The following CACNA1C variants were observed in gnomAD, a reference collection of about 807,000 sequenced individuals.
CACNA1C encodes the protein voltage-dependent L-type calcium channel subunit alpha-1C.
A neutral mutation model predicts 229.0 loss-of-function variants in CACNA1C; 30 were observed. That is an observed-to-expected ratio of 0.13 (90% confidence interval 0.10 to 0.18). CACNA1C has a LOEUF of 0.18. Ranked by LOEUF, CACNA1C falls within the 10% of genes least tolerant of loss-of-function variation. The pLI is 1.00. For synonymous variants in CACNA1C, 1,114 were observed against 1,132.5 expected (o/e 0.98, Z 0.33); for missense variants, 1,658 against 2,845.0 (o/e 0.58, Z 9.49).
At chr12:2,115,935 C>T (rs953460020) in intron 2 of CACNA1C, among the ~76,000 whole-genome samples, 3 of 152,246 alleles carry the variant, frequency 2.0e-5, no homozygotes, top group Non-Finnish European at 4.4e-5. Context: ...TACATGCTGC[C>T]TCATTCCCTT....
intron 3 of CACNA1C, among the ~76,000 whole-genome samples, chr12:2,407,223 A>G (rs2098748121): frequency 6.6e-6 from 1 of 152,258 alleles, no homozygotes; most frequent in Admixed American, 6.5e-5. Context: ...ACACCTCATT[A>G]CTGCCTAGTT....
rs114204416 is a variant in CACNA1C at position 2,355,780 on chromosome 12, A to G, written c.478-93196A>G. ...CACAACTGAAAGGGGAGCTACTGGC[A>G]TCTAGCGGGTAGAGGCCGGGGATGC... On this transcript the variant is annotated intron_variant, in intron 3 of 46. Coordinates refer to ENST00000399655, the MANE Select transcript of CACNA1C (RefSeq NM_000719.7). Among the ~76,000 whole-genome samples the G allele has an allele frequency of 6.2e-3, 947 of 152,338 alleles. 8 individuals carry two copies. Among genetic ancestry groups the G allele is most frequent in the African/African-American group, 0.022 (906 of 41,580 alleles).
At chr12:2,310,636 G>A (rs1485913223) in intron 3 of CACNA1C, among the ~76,000 whole-genome samples, 2 of 152,154 alleles carry the variant, frequency 1.3e-5, no homozygotes, top group Non-Finnish European at 2.9e-5. Flanking sequence ...AAAGTCTGGA[G>A]TTGTTTCTAT....
At chr12:2,148,374 C>A (rs1267464949) in intron 3 of CACNA1C, among the ~76,000 whole-genome samples, 1 of 151,336 alleles carries the variant, frequency 6.6e-6, no homozygotes, top group Non-Finnish European at 1.5e-5. Context: ...TCAAAGATTG[C>A]AGATGGAAAT....
In CACNA1C at chr12:2,502,988, A is replaced by T. The variant is rs117327754; in HGVS notation, c.1114-1854A>T. Among the ~76,000 whole-genome samples, 92 of 152,288 alleles carry T rather than the reference A, an allele frequency of 6.0e-4. 1 individual carries two copies. In the East Asian group the frequency reaches 0.017, roughly 28 times the overall value. ...TCTGCTTTGTTCATAACTCTCCCAG[A>T]TGTTTCTGATGCTGGTGGTCCTTGG... On this transcript the variant is annotated intron_variant, in intron 7 of 46. Transcript: ENST00000399655.
chr12:2,527,520 G>A (rs895428625), intron 9 of CACNA1C, among the ~76,000 whole-genome samples: 2 of 152,136 alleles, frequency 1.3e-5, no homozygotes, highest in Non-Finnish European at 2.9e-5. Context: ...TGATAATGGT[G>A]TCCACTGTCA....
chr12:2,516,491 G>C (rs1202822039), intron 9 of CACNA1C, among the ~76,000 whole-genome samples: 1 of 152,186 alleles, frequency 6.6e-6, no homozygotes, highest in Non-Finnish European at 1.5e-5. Flanking sequence ...GGTGGGCCAG[G>C]GAGAGGCAGG....
chr12:2,142,573 A>G (rs1250550199), intron 3 of CACNA1C, among the ~76,000 whole-genome samples: 1 of 151,428 alleles, frequency 6.6e-6, no homozygotes, highest in Admixed American at 6.6e-5. Flanking sequence ...GTCCTTCAGG[A>G]GGTAGCCATA....
At chr12:2,473,742 C>G (rs2099604914) in intron 5 of CACNA1C, among the ~76,000 whole-genome samples, 1 of 152,082 alleles carries the variant, frequency 6.6e-6, no homozygotes, top group Non-Finnish European at 1.5e-5. Flanking sequence ...CCCACTAAAT[C>G]CCTCCAAAAA....
In CACNA1C at chr12:2,152,623, A is replaced by T. The variant is rs1213568719; in HGVS notation, c.477+32193A>T. Among the ~76,000 whole-genome samples, 1 of 152,242 alleles carries T rather than the reference A, an allele frequency of 6.6e-6. No individual in the cohort carries two copies. The highest frequency in any genetic ancestry group is 1.5e-5 in the Non-Finnish European group (1 of 68,044). ...TTTGGTCTCTGTCAACCATGGTTCA[A>T]TTCATAACTTAAGTTATACCCTACT... On this transcript the variant is annotated intron_variant, in intron 3 of 46. Transcript: ENST00000399655. The surrounding 1 kb of genome is among the most constrained non-coding windows in gnomAD (Gnocchi z 4.2).
intron 3 of CACNA1C, among the ~76,000 whole-genome samples, chr12:2,236,433 T>G (rs2067401806): frequency 1.3e-5 from 2 of 152,188 alleles, no homozygotes. Flanking sequence ...ATAATACCAG[T>G]AAGAATTTTT....
Position 2,062,060 on chromosome 12 carries a change from A to AACTTTCGC in CACNA1C, c.49+8459_49+8466dup, listed in dbSNP as rs564469567. On this transcript the variant is annotated intron_variant, in intron 1 of 46. Transcript: ENST00000399655. ...CCCATCATCAAAAAGTATGCTGGGA[A>AACTTTCGC]ACTTTCGCACTTTCGCATTTGTTTG... Among the ~76,000 whole-genome samples the AACTTTCGC allele has an allele frequency of 2.0e-3, 311 of 152,322 alleles. 1 individual carries two copies. The highest frequency in any genetic ancestry group is 7.3e-3 in the African/African-American group (304 of 41,560).
chr12:2,032,789 C>T (rs1278722755), intron 1 of CACNA1C, among the ~76,000 whole-genome samples: 3 of 152,160 alleles, frequency 2.0e-5, no homozygotes, highest in Admixed American at 6.5e-5. Context: ...GCTGCCATCT[C>T]GGGCTTAGAT....
chr12:2,215,615 C>A lies in CACNA1C; in HGVS notation c.477+95185C>A, dbSNP rs1041999523. Among the ~76,000 whole-genome samples, 1 of 152,230 alleles carries A rather than the reference C, an allele frequency of 6.6e-6. No individual in the cohort carries two copies. Among genetic ancestry groups the A allele is most frequent in the Non-Finnish European group, 1.5e-5 (1 of 68,040 alleles). On this transcript the variant is annotated intron_variant, in intron 3 of 46. Coordinates refer to ENST00000399655, the MANE Select transcript of CACNA1C (RefSeq NM_000719.7). The surrounding 1 kb of genome is among the most constrained non-coding windows in gnomAD (Gnocchi z 5.0). ...GACATAAAGGGGCACTGCAGCCAGTCCCCTGTGGAGGATCAGGATGTCCCA... is the reference window on the plus strand; with the variant it reads ...GACATAAAGGGGCACTGCAGCCAGTACCCTGTGGAGGATCAGGATGTCCCA...
intron 3 of CACNA1C, among the ~76,000 whole-genome samples, chr12:2,257,751 C>T (rs754849719): frequency 2.0e-5 from 3 of 152,228 alleles, no homozygotes; most frequent in Non-Finnish European, 2.9e-5. Flanking sequence ...CAGTGAGGTT[C>T]CAAACTAAGG....
At chr12:2,686,291 G>A in intron 45 of CACNA1C, 22 bp downstream of exon 45, 2 of 1,543,014 alleles carry the variant, frequency 1.3e-6, no homozygotes, top group Non-Finnish European at 1.8e-6. Context: ...TTTTGGACAG[G>A]CCACTGTCAC....
chr12:2,512,787 C>G lies in CACNA1C; in HGVS notation c.1218-25C>G. On this transcript the variant is annotated intron_variant, in intron 8 of 46. Transcript: ENST00000399655. This position sits in a 1 kb window ranked among gnomAD's most constrained non-coding sequence, Gnocchi z 4.3. ...CCCTCCTTCTCTGTGCTCTCCTGCCCTGCCCCTCCTCTCACTCTCACCAGA... is the reference window on the plus strand; with the variant it reads ...CCCTCCTTCTCTGTGCTCTCCTGCCGTGCCCCTCCTCTCACTCTCACCAGA... 1 of 1,588,714 alleles carries G rather than the reference C, an allele frequency of 6.3e-7. No individual in the cohort carries two copies.
At chr12:2,628,838 G>A (rs1261027579) in intron 29 of CACNA1C, among the ~76,000 whole-genome samples, 1 of 152,128 alleles carries the variant, frequency 6.6e-6, no homozygotes, top group Non-Finnish European at 1.5e-5. Context: ...CACTCCAGCT[G>A]GGGCAACAGA....
chr12:2,141,973 C>T (rs902840578), intron 3 of CACNA1C, among the ~76,000 whole-genome samples: 2 of 151,180 alleles, frequency 1.3e-5, no homozygotes, highest in Non-Finnish European at 3.0e-5. Flanking sequence ...GAAGGGTATC[C>T]TCTCCTTTCC....
Sources: allele counts gnomAD v4.1 joint callset (sites outside exome capture counted in the v4.1 genomes callset), GRCh38; gene constraint gnomAD v4.1.1; non-coding constraint Gnocchi (gnomAD v3.1); transcripts MANE v1.5; gene names NCBI Gene and HGNC (gene_info 2026-07-23, HGNC 2026-07-21).